Variants in BRD10 observed in about 807,000 individuals in gnomAD.
BRD10 encodes uncharacterized bromodomain-containing protein 10.
At chr9:5,884,764 T>A in the BRD10 span, among the ~76,000 whole-genome samples, 1 of 152,232 alleles carries the variant, frequency 6.6e-6, no homozygotes, top group African/African-American at 2.4e-5. Flanking sequence ...GTCATTTTAA[T>A]CCGTTCCTGT....
At chr9:5,965,200 C>T in the BRD10 span, among the ~76,000 whole-genome samples, 2 of 151,592 alleles carry the variant, frequency 1.3e-5, no homozygotes, top group East Asian at 1.9e-4. Flanking sequence ...TTAGTCCACC[C>T]TAAGTGAAGG....
chr9:5,968,053 G>T, the BRD10 span: 3 of 1,519,158 alleles, frequency 2.0e-6, no homozygotes, highest in Non-Finnish European at 2.6e-6. Context: ...CTTTTTTTTT[G>T]ATGATCAATA....
At chr9:5,920,654 T>C in the BRD10 span, 2 of 1,613,866 alleles carry the variant, frequency 1.2e-6, no homozygotes, top group Admixed American at 1.7e-5. Context: ...AGTCCGAGAT[T>C]GTCTTTTAGA....
chr9:5,921,725 T>C, the BRD10 span: 3 of 1,613,928 alleles, frequency 1.9e-6, no homozygotes, highest in Middle Eastern at 1.6e-4. Context: ...TTGTCCAAAA[T>C]TTGCTGCTGA....
At chr9:5,923,157 G>A in the BRD10 span, 1 of 1,613,950 alleles carries the variant, frequency 6.2e-7, no homozygotes, top group Non-Finnish European at 8.5e-7. Flanking sequence ...CTTGGAGAAA[G>A]CTCTTTTGTG....
the BRD10 span, among the ~76,000 whole-genome samples, chr9:5,991,794 G>A: frequency 6.7e-6 from 1 of 150,104 alleles, no homozygotes; most frequent in Admixed American, 6.6e-5. Context: ...AAGTCTTTCA[G>A]TTAGAATAAC....
chr9:5,912,888 AT>A, the BRD10 span, among the ~76,000 whole-genome samples: 1 of 152,174 alleles, frequency 6.6e-6, no homozygotes, highest in South Asian at 2.1e-4. Flanking sequence ...TGCAATAAGC[AT>A]TTTCCACTTG....
At chr9:6,006,186 T>TG in the BRD10 span, among the ~76,000 whole-genome samples, 2 of 152,224 alleles carry the variant, frequency 1.3e-5, no homozygotes, top group African/African-American at 4.8e-5. Flanking sequence ...TGGCTAACTA[T>TG]GGGAGCAGCA....
chr9:5,927,978 A>G, the BRD10 span, among the ~76,000 whole-genome samples: 1 of 152,216 alleles, frequency 6.6e-6, no homozygotes, highest in Non-Finnish European at 1.5e-5. Context: ...CTTATTCAAT[A>G]ACACCAATTA....
the BRD10 span, among the ~76,000 whole-genome samples, chr9:6,001,068 T>A: frequency 6.6e-6 from 1 of 152,202 alleles, no homozygotes; most frequent in Non-Finnish European, 1.5e-5. Flanking sequence ...CACCACCAGC[T>A]GGGCTCAAAT....
chr9:6,008,132 G>C, the BRD10 span: 6 of 982,560 alleles, frequency 6.1e-6, no homozygotes, highest in Non-Finnish European at 7.2e-6. Context: ...CCGGGTCGCC[G>C]CGGCCTCGGC....
chr9:5,927,204 T>TC, the BRD10 span, among the ~76,000 whole-genome samples: 1 of 152,138 alleles, frequency 6.6e-6, no homozygotes, highest in South Asian at 2.1e-4. Context: ...ATGGAGGCAA[T>TC]CAGAAGAGAA....
chr9:5,933,169 T>C, the BRD10 span, among the ~76,000 whole-genome samples: 1 of 152,198 alleles, frequency 6.6e-6, no homozygotes, highest in South Asian at 2.1e-4. Flanking sequence ...GCTTTATGCA[T>C]CTAATTTTAG....
At chr9:5,925,923 C>CCT in the BRD10 span, among the ~76,000 whole-genome samples, 2 of 152,026 alleles carry the variant, frequency 1.3e-5, no homozygotes, top group Non-Finnish European at 2.9e-5. Flanking sequence ...CCATTTCCTT[C>CCT]TTCCTTTCCT....
chr9:5,940,384 A>G, the BRD10 span, among the ~76,000 whole-genome samples: 35,639 of 151,404 alleles, frequency 0.24, 4,315 homozygotes, highest in South Asian at 0.34. Flanking sequence ...TTGTAGAGAC[A>G]GGGTTTCACC....
At chr9:5,898,508 G>A in the BRD10 span, among the ~76,000 whole-genome samples, 1 of 152,096 alleles carries the variant, frequency 6.6e-6, no homozygotes, top group Non-Finnish European at 1.5e-5. Flanking sequence ...TCCAATACAC[G>A]AATTTTGGGG....
At chr9:5,903,081 C>T in the BRD10 span, among the ~76,000 whole-genome samples, 1 of 152,078 alleles carries the variant, frequency 6.6e-6, no homozygotes, top group African/African-American at 2.4e-5. Context: ...TCTCCTTTGA[C>T]TCATGTGTTA....
chr9:5,899,939 T>C, the BRD10 span, among the ~76,000 whole-genome samples: 2 of 152,210 alleles, frequency 1.3e-5, no homozygotes, highest in Non-Finnish European at 2.9e-5. Flanking sequence ...CCCAGACATG[T>C]TGGAAATCTG....
chr9:5,934,358 C>CTTTTTTTTT, the BRD10 span, among the ~76,000 whole-genome samples: 2 of 129,994 alleles, frequency 1.5e-5, no homozygotes, highest in African/African-American at 2.9e-5. Flanking sequence ...TTACGCTTTT[C>CTTTTTTTTT]TTTTTTTTTT....
Sources: allele counts gnomAD v4.1 joint callset (sites outside exome capture counted in the v4.1 genomes callset), GRCh38; gene constraint gnomAD v4.1.1; transcripts MANE v1.5; gene names NCBI Gene and HGNC (gene_info 2026-07-23, HGNC 2026-07-21).